Variants in MBOAT1 observed in about 807,000 individuals in gnomAD.
The protein encoded by MBOAT1 is membrane-bound glycerophospholipid O-acyltransferase 1.
A neutral mutation model predicts 64.4 loss-of-function variants in MBOAT1; 67 were observed. That is an observed-to-expected ratio of 1.04 (90% confidence interval 0.85 to 1.27). The LOEUF is 1.27. MBOAT1 is among the 50% of genes most tolerant of loss of function. The probability of loss-of-function intolerance (pLI) is 0.00; values close to 1 mark genes in which losing one functional copy is unlikely to be tolerated. For synonymous variants in MBOAT1, 229 were observed against 218.9 expected (o/e 1.05, Z -0.41); for missense variants, 563 against 604.6 (o/e 0.93, Z 0.72).
rs1291637419 is a variant in MBOAT1, at chr6:20,126,517, T to C, written c.714A>G (p.Thr238=). 1.9e-6 allele frequency: 3 copies of C among 1,605,136 alleles called. No individual in the cohort carries two copies. The highest frequency in any genetic ancestry group is 1.3e-5 in the African/African-American group (1 of 74,154). Residue 238 remains threonine (T), a splice_region_variant and synonymous_variant, in exon 7 of 13, where the codon ACA becomes ACG. Transcript: ENST00000324607. ...GFHSLPEPSP[T]GAVIHKLGIT... is the part of the protein sequence containing the mutation. ...TATTCTCTAGACACTAAAAACTTAC[T>C]GTGGGAGAAGGTTCTGGCAAGCTGT...
At chr6:20,206,817 C>T (rs1763279719) in intron 1 of MBOAT1, among the ~76,000 whole-genome samples, 2 of 152,152 alleles carry the variant, frequency 1.3e-5, no homozygotes, top group African/African-American at 4.8e-5. Flanking sequence ...TTCACCCCCA[C>T]CCTCAGGCGC....
intron 5 of MBOAT1, 31 bp from the exon 6 acceptor site, chr6:20,128,784 A>T (rs1410458403): frequency 6.6e-7 from 1 of 1,511,200 alleles, no homozygotes. Context: ...TAGAAATAAG[A>T]TGTTTGAAGT....
intron 1 of MBOAT1, among the ~76,000 whole-genome samples, chr6:20,189,084 T>A (rs1450635838): frequency 6.6e-6 from 1 of 152,104 alleles, no homozygotes; most frequent in Non-Finnish European, 1.5e-5. Flanking sequence ...GCCCAGAAGA[T>A]CCTGATGGTG....
chr6:20,112,285 G>C (rs1208095196), intron 11 of MBOAT1, among the ~76,000 whole-genome samples: 1 of 151,988 alleles, frequency 6.6e-6, no homozygotes, highest in East Asian at 1.9e-4. Flanking sequence ...CAAGCAAATT[G>C]CAGAACAATC....
At chr6:20,170,769 C>G (rs1762164970) in intron 1 of MBOAT1, among the ~76,000 whole-genome samples, 1 of 152,206 alleles carries the variant, frequency 6.6e-6, no homozygotes, top group Non-Finnish European at 1.5e-5. Flanking sequence ...AGTCACAGCA[C>G]TTCTCACTCT....
chr6:20,150,533 G>A (rs558616566), intron 3 of MBOAT1, among the ~76,000 whole-genome samples: 149 of 149,592 alleles, frequency 1.0e-3, no homozygotes, highest in Admixed American at 3.0e-3. Context: ...TGAGTATACC[G>A]ATCTTTCATT....
At position 20,190,376 on chromosome 6, in the gene MBOAT1, C is replaced by T. The variant is rs192476180; in HGVS notation, c.99+21760G>A. ...TCAAAAAGTAAAAGTCTTCTTCACC[C>T]TCCCCAGTAAGCCAGGTGATTGAGA... On this transcript the variant is annotated intron_variant, in intron 1 of 12. Transcript: ENST00000324607. 7.2e-5 allele frequency among the ~76,000 whole-genome samples: 11 copies of T among 152,296 alleles called. No individual in the cohort carries two copies. In the East Asian group the frequency reaches 2.1e-3, roughly 29 times the overall value.
chr6:20,160,397 G>A (rs935411091), intron 1 of MBOAT1, among the ~76,000 whole-genome samples: 2 of 152,162 alleles, frequency 1.3e-5, no homozygotes, highest in African/African-American at 4.8e-5. Flanking sequence ...TTTACCAGTG[G>A]CTCACCAATG....
chr6:20,156,628 C>T (rs1172663695), intron 1 of MBOAT1, among the ~76,000 whole-genome samples: 1 of 152,164 alleles, frequency 6.6e-6, no homozygotes, highest in Admixed American at 6.5e-5. Context: ...GTTAGTATGG[C>T]TATTATATAT....
At chr6:20,123,019 G>A (rs534796243) in intron 8 of MBOAT1, among the ~76,000 whole-genome samples, 143 of 151,976 alleles carry the variant, frequency 9.4e-4, no homozygotes, top group African/African-American at 3.3e-3. Flanking sequence ...TAGTAGAGAC[G>A]GGGTTTTGCC....
At chr6:20,152,109 TCAGGCGTTTGCAAC>T (rs1340876122) in intron 2 of MBOAT1, among the ~76,000 whole-genome samples, 22 of 151,930 alleles carry the variant, frequency 1.4e-4, no homozygotes, top group Admixed American at 3.3e-4. Flanking sequence ...TCGCCTGAGC[TCAGGCGTTTGCAAC>T]CAGCCTGGGC....
intron 3 of MBOAT1, among the ~76,000 whole-genome samples, chr6:20,148,573 T>C (rs913380686): frequency 1.1e-4 from 16 of 152,336 alleles, no homozygotes; most frequent in African/African-American, 3.8e-4. Context: ...GAACTTGCGT[T>C]CAAACTGCTG....
chr6:20,152,725 G>A lies in MBOAT1; in HGVS notation c.144C>T (p.Phe48=). 1 of 1,612,592 alleles carries A rather than the reference G, an allele frequency of 6.2e-7. No homozygotes were observed. ...CAGGACGTAAGTAGATGCGAAACCAGAAAGCAGCAAACAGAGCAACAAGCT... is the reference window on the plus strand; with the variant it reads ...CAGGACGTAAGTAGATGCGAAACCAAAAAGCAGCAAACAGAGCAACAAGCT... ...VCQLVALFAA[F]WFRIYLRPGT... Residue 48 remains phenylalanine, a synonymous_variant, in exon 2 of 13, where the codon TTC becomes TTT. Transcript: ENST00000324607.
At chr6:20,133,572 T>C (rs1474976851) in intron 4 of MBOAT1, among the ~76,000 whole-genome samples, 1 of 152,096 alleles carries the variant, frequency 6.6e-6, no homozygotes, top group Non-Finnish European at 1.5e-5. Context: ...TCTTTCTGAA[T>C]GACAAAAAAA....
intron 1 of MBOAT1, among the ~76,000 whole-genome samples, chr6:20,209,469 T>C (rs1342194492): frequency 6.6e-6 from 1 of 151,866 alleles, no homozygotes; most frequent in Non-Finnish European, 1.5e-5. Flanking sequence ...GAATAAAGAG[T>C]TCTTCACATA....
chr6:20,128,883 G>T, intron 5 of MBOAT1, 130 bp from the exon 6 acceptor site: 2 of 655,180 alleles, frequency 3.1e-6, no homozygotes, highest in Non-Finnish European at 5.0e-6. Context: ...AAGAGTTCCT[G>T]TTTTTCATTT....
intron 11 of MBOAT1, 68 bp from the exon 12 acceptor site, chr6:20,109,817 C>A: frequency 6.7e-7 from 1 of 1,500,494 alleles, no homozygotes. Context: ...TTACTCTGTG[C>A]ATGCAGATAG....
chr6:20,167,400 C>A (rs1762044306), intron 1 of MBOAT1, among the ~76,000 whole-genome samples: 1 of 152,212 alleles, frequency 6.6e-6, no homozygotes, highest in South Asian at 2.1e-4. Context: ...GCTCTCCTCA[C>A]CCTTGCCAGC....
At chr6:20,148,593 C>T (rs1158406132) in intron 3 of MBOAT1, among the ~76,000 whole-genome samples, 1 of 152,166 alleles carries the variant, frequency 6.6e-6, no homozygotes, top group Non-Finnish European at 1.5e-5. Flanking sequence ...GCAAAACCAG[C>T]ATTTTGCAGG....
Sources: gnomAD v4.1 joint callset for allele counts (sites outside exome capture counted in the v4.1 genomes callset) on GRCh38, gnomAD v4.1.1 for gene constraint, MANE v1.5 for transcripts, NCBI Gene and HGNC (gene_info 2026-07-23, HGNC 2026-07-21) for gene names.